Variants in PGAM1 observed in about 807,000 individuals in gnomAD.
The protein encoded by PGAM1 is BPG-dependent PGAM 1.
A neutral mutation model predicts 23.5 loss-of-function variants in PGAM1; 21 were observed. The observed-to-expected ratio is 0.89, with a 90% CI of 0.63 to 1.29. PGAM1 has a LOEUF of 1.29. Ranked by LOEUF, PGAM1 falls within the 50% of genes most tolerant of loss-of-function variation. PGAM1 has a pLI of 0.00. For missense variants in PGAM1, 232 were observed against 336.3 expected (o/e 0.69, Z 2.42); for synonymous variants, 109 against 128.6 (o/e 0.85, Z 1.03).
chr10:97,427,459 C>A, intron 1 of PGAM1: 1 of 1,026,036 alleles, frequency 9.7e-7, no homozygotes, highest in Non-Finnish European at 1.2e-6. Context: ...CTCATCTTTC[C>A]AAGGCCCCTT....
At position 97,433,387 on chromosome 10, in the gene PGAM1, TA is replaced by T. The variant is rs1215754908; in HGVS notation, c.*865del. The T allele has an allele frequency of 6.6e-6, 1 of 152,540 alleles. No individual in the cohort carries two copies. The highest frequency in any genetic ancestry group is 2.4e-5 in the African/African-American group (1 of 41,426). The allele number at this position is 152,540 out of a possible 1,614,324, so 9.4% of individuals were successfully genotyped here. A position where few individuals can be genotyped will look rare whatever the true frequency, so the allele number is the denominator to read the frequency against. On this transcript the variant is annotated 3_prime_UTR_variant, in exon 4 of 4. Transcript: ENST00000334828. Reference sequence around the variant, plus strand: ...CATGGGTCCAGTGTTCATCTGAGCATAACTGTACTAAATCCTTTTTCCATAT... The same window carrying T: ...CATGGGTCCAGTGTTCATCTGAGCATACTGTACTAAATCCTTTTTCCATAT...
rs1564783878 is a variant in PGAM1, at chr10:97,430,634, T to C, written c.395T>C (p.Phe132Ser). ...PPPPMEPDHP[F>S]YSNISKDRRY... ...CCTCCGATGGAGCCCGACCATCCTT[T>C]CTACAGCAACATCAGTAAGGTATGG... Residue 132 changes from phenylalanine (F) to serine (S), a missense_variant, in exon 2 of 4, where the codon TTC (phenylalanine) becomes TCC (serine). Phe to Ser is a radical substitution (Grantham distance 155). Coordinates refer to ENST00000334828, the MANE Select transcript of PGAM1 (RefSeq NM_002629.4). 5.6e-6 allele frequency: 9 copies of C among 1,603,056 alleles called. No homozygotes were observed. Among genetic ancestry groups the C allele is most frequent in the Non-Finnish European group, 6.8e-6 (8 of 1,179,980 alleles).
In PGAM1 at chr10:97,432,880, A is replaced by G. The variant is rs1406938629; in HGVS notation, c.*356A>G. The G allele has an allele frequency of 3.8e-6, 1 of 261,888 alleles. No homozygotes were observed. Among genetic ancestry groups the G allele is most frequent in the Admixed American group, 5.3e-5 (1 of 19,008 alleles). The allele number at this position is 261,888 out of a possible 1,614,324, so 16.2% of individuals were successfully genotyped here. A position where few individuals can be genotyped will look rare whatever the true frequency, so the allele number is the denominator to read the frequency against. On this transcript the variant is annotated 3_prime_UTR_variant, in exon 4 of 4. Transcript: ENST00000334828. ...AAGCCATGACCAGTGAGGAGAAGCA[A>G]CAGAGCCTGTCTGTCCCCATGAGCG...
chr10:97,427,992 G>T, intron 1 of PGAM1: 1 of 1,210,500 alleles, frequency 8.3e-7, no homozygotes. Flanking sequence ...GGCCTGGTGT[G>T]ACCTCATCTT....
At chr10:97,429,163 G>A (rs1173439838) in intron 1 of PGAM1, among the ~76,000 whole-genome samples, 1 of 147,552 alleles carries the variant, frequency 6.8e-6, no homozygotes, top group Non-Finnish European at 1.5e-5. Context: ...GAGTGCAGTG[G>A]CGCGATCTCA....
chr10:97,427,699 A>G, intron 1 of PGAM1: 2 of 1,233,346 alleles, frequency 1.6e-6, no homozygotes, highest in Non-Finnish European at 2.1e-6. Flanking sequence ...GAATGCTAAT[A>G]AGGAAGCATT....
Position 97,430,541 on chromosome 10 carries a change from C to G in PGAM1, c.302C>G (p.Ala101Gly), listed in dbSNP as rs1281070685. Residue 101 changes from alanine to glycine, a missense_variant, in exon 2 of 4, where the codon GCA becomes GGA. By Grantham distance (60) the Ala-to-Gly change is moderately conservative. Around this residue, in one of 3 missense-constraint regions of PGAM1, gnomAD observed 191 missense variants for 241.7 expected, o/e 0.79. Transcript: ENST00000334828. ...HYGGLTGLNKAETAAKHGEAQ... is the reference protein window; with the variant it reads ...HYGGLTGLNKGETAAKHGEAQ... ...GGGGGTCTAACCGGTCTCAATAAAGCAGAAACTGCTGCAAAGCATGGTGAG... is the reference window on the plus strand; with the variant it reads ...GGGGGTCTAACCGGTCTCAATAAAGGAGAAACTGCTGCAAAGCATGGTGAG... The G allele has an allele frequency of 6.2e-7, 1 of 1,600,730 alleles. No homozygotes were observed. The highest frequency in any genetic ancestry group is 8.5e-7 in the Non-Finnish European group (1 of 1,179,852).
chr10:97,426,587 T>A lies in PGAM1; in HGVS notation c.139+141T>A, dbSNP rs1589454945. The A allele has an allele frequency of 3.5e-6, 4 of 1,136,376 alleles. No individual in the cohort carries two copies. In the East Asian group the frequency reaches 1.1e-4, roughly 31 times the overall value. 70.4% of individuals were successfully genotyped at this position (1,136,376 alleles called of 1,614,324 possible). On this transcript the variant is annotated intron_variant, in intron 1 of 3. Coordinates refer to ENST00000334828, the MANE Select transcript of PGAM1 (RefSeq NM_002629.4). ...ACAGTTTAGTGTGTAGTTGAGAAGA[T>A]GAGTGCAGAGGGTAGAGTCTACTTG...
In PGAM1 at chr10:97,426,301, C is replaced by A. The variant is rs772033542; in HGVS notation, c.-7C>A. The A allele has an allele frequency of 1.2e-6, 2 of 1,610,214 alleles. No homozygotes were observed. Among genetic ancestry groups the A allele is most frequent in the East Asian group, 2.2e-5 (1 of 44,824 alleles). On this transcript the variant is annotated 5_prime_UTR_variant, in exon 1 of 4. Transcript: ENST00000334828. ...CCCAGTCGGTGCCGCATCCCCAGCC[C>A]GCCGCCATGGCCGCCTACAAACTGG...
At chr10:97,430,215 T>C (rs1258273627) in intron 1 of PGAM1, among the ~76,000 whole-genome samples, 164 bp from the exon 2 acceptor site, 2 of 152,202 alleles carry the variant, frequency 1.3e-5, no homozygotes, top group African/African-American at 2.4e-5. Context: ...ATAATAGCTG[T>C]GACCTTGGAT....
At chr10:97,427,946 C>CGGGGT (rs1845430100) in intron 1 of PGAM1, 3 of 589,240 alleles carry the variant, frequency 5.1e-6, no homozygotes, top group Non-Finnish European at 8.5e-6. Flanking sequence ...TAAACCTCTG[C>CGGGGT]GGGGTGGGGT....
chr10:97,426,948 C>T (rs1455887245), intron 1 of PGAM1, among the ~76,000 whole-genome samples: 2 of 152,198 alleles, frequency 1.3e-5, no homozygotes, highest in Non-Finnish European at 1.5e-5. Context: ...GCAGGAGAAT[C>T]GCTTGAACCC....
At chr10:97,426,532 G>T in intron 1 of PGAM1, 86 bp downstream of exon 1, 1 of 1,448,590 alleles carries the variant, frequency 6.9e-7, no homozygotes, top group East Asian at 2.5e-5. Flanking sequence ...CTCTCGGAGA[G>T]GGCCGGCACC....
chr10:97,428,705 C>T (rs1023361165), intron 1 of PGAM1, among the ~76,000 whole-genome samples: 10 of 152,156 alleles, frequency 6.6e-5, no homozygotes, highest in Non-Finnish European at 1.0e-4. Flanking sequence ...CATTCCTTTC[C>T]TTACAGTTAG....
At chr10:97,427,051 ATAATAAG>A (rs1257585016) in intron 1 of PGAM1, 2 of 153,356 alleles carry the variant, frequency 1.3e-5, no homozygotes, top group Non-Finnish European at 2.9e-5. Context: ...AAAAATAATA[ATAATAAG>A]TCGTGGACAG....
chr10:97,427,916 G>A (rs1564783032), intron 1 of PGAM1: 6 of 1,288,032 alleles, frequency 4.7e-6, no homozygotes, highest in Non-Finnish European at 6.1e-6. Flanking sequence ...GAAGCAAAAC[G>A]CAGGACAGTC....
intron 1 of PGAM1, among the ~76,000 whole-genome samples, 190 bp downstream of exon 1, chr10:97,426,636 G>T (rs1216007333): frequency 6.6e-6 from 1 of 152,276 alleles, no homozygotes; most frequent in African/African-American, 2.4e-5. Flanking sequence ...CGTGGAGCAT[G>T]AGGGGCTGTG....
chr10:97,427,586 G>A, intron 1 of PGAM1: 5 of 1,169,330 alleles, frequency 4.3e-6, no homozygotes, highest in Non-Finnish European at 5.4e-6. Context: ...TGAGGAACTG[G>A]TAGGCTTTTG....
chr10:97,431,815 C>T (rs936721047), intron 3 of PGAM1, among the ~76,000 whole-genome samples: 2 of 151,282 alleles, frequency 1.3e-5, no homozygotes, highest in African/African-American at 2.4e-5. Context: ...TTGAGCCCAG[C>T]AGTTTGAGGT....
Sources: gnomAD v4.1 joint callset for allele counts (sites outside exome capture counted in the v4.1 genomes callset) on GRCh38, gnomAD v4.1.1 for gene constraint, gnomAD v4.1.1 regional missense constraint, MANE v1.5 for transcripts, NCBI Gene and HGNC (gene_info 2026-07-23, HGNC 2026-07-21) for gene names.